Variants in ATP6V1C2 observed in about 807,000 individuals in gnomAD.
ATP6V1C2 encodes the protein ATPase H+ transporting V1 subunit C2, also known as V-type proton ATPase subunit C 2.
A neutral mutation model predicts 56.8 loss-of-function variants in ATP6V1C2; 45 were observed. That is an observed-to-expected ratio of 0.79 (90% CI 0.62 to 1.02). ATP6V1C2 has a LOEUF of 1.02. ATP6V1C2 is among the 50% of genes least tolerant of loss of function. The pLI, the probability that ATP6V1C2 is intolerant of heterozygous loss-of-function variation, is 0.00. For synonymous variants in ATP6V1C2, 220 were observed against 201.3 expected (o/e 1.09, Z -0.79); for missense variants, 463 against 519.7 (o/e 0.89, Z 1.06).
At chr2:10,773,138 C>T (rs186896511) in intron 8 of ATP6V1C2, among the ~76,000 whole-genome samples, 46 of 152,244 alleles carry the variant, frequency 3.0e-4, no homozygotes, top group African/African-American at 9.9e-4. Context: ...GATGCCAGGC[C>T]CTGTGTGTCA....
chr2:10,727,188 G>A (rs1465745491), intron 3 of ATP6V1C2, among the ~76,000 whole-genome samples: 3 of 151,846 alleles, frequency 2.0e-5, no homozygotes, highest in Non-Finnish European at 2.9e-5. Context: ...TCCTGCCTCA[G>A]CATCCTGAGT....
intron 3 of ATP6V1C2, among the ~76,000 whole-genome samples, chr2:10,750,756 T>C (rs1267400764): frequency 2.0e-5 from 3 of 152,070 alleles, no homozygotes; most frequent in African/African-American, 7.2e-5. Context: ...CAAAATATTA[T>C]AGGGGATGTG....
Position 10,784,540 on chromosome 2 carries a change from C to T in ATP6V1C2, c.*1277C>T. The T allele has an allele frequency of 1.9e-6, 1 of 515,804 alleles. No homozygotes were observed. The highest frequency in any genetic ancestry group is 2.9e-5 in the South Asian group (1 of 34,650). The allele number at this position is 515,804 out of a possible 1,614,324, so 32.0% of individuals were successfully genotyped here. On this transcript the variant is annotated 3_prime_UTR_variant, in exon 14 of 14. Transcript: ENST00000272238. ...AACATTTCAACATCACATCACTCACCATTTTAACACTGGAAGCCACTTGAA... is the reference window on the plus strand; with the variant it reads ...AACATTTCAACATCACATCACTCACTATTTTAACACTGGAAGCCACTTGAA...
chr2:10,723,345 C>A (rs1661461860), intron 2 of ATP6V1C2, among the ~76,000 whole-genome samples: 1 of 152,136 alleles, frequency 6.6e-6, no homozygotes, highest in South Asian at 2.1e-4. Flanking sequence ...GAAGACCCAC[C>A]ATATAGTTTA....
At chr2:10,773,757 T>C (rs1327280987) in intron 8 of ATP6V1C2, among the ~76,000 whole-genome samples, 1 of 152,158 alleles carries the variant, frequency 6.6e-6, no homozygotes, top group African/African-American at 2.4e-5. Flanking sequence ...AGAATGCGCG[T>C]CAGGCAGCCA....
At chr2:10,774,706 C>A in intron 8 of ATP6V1C2, 82 bp from the exon 9 acceptor site, 1 of 1,243,124 alleles carries the variant, frequency 8.0e-7, no homozygotes, top group Non-Finnish European at 1.2e-6. Flanking sequence ...CAGGTGCAGG[C>A]CACCAGGCCC....
rs1301107337 is a variant in ATP6V1C2 at position 10,763,544 on chromosome 2, C to T, written c.284-787C>T. On this transcript the variant is annotated intron_variant, in intron 4 of 13. Transcript: ENST00000272238. The surrounding 1 kb of genome is among the most constrained non-coding windows in gnomAD (Gnocchi z 4.2). ...CAGGATAGACCAGGAAGTGTAGGTG[C>T]ACAGGGAGCCTAGGCTGGGACATCC... Among the ~76,000 whole-genome samples the T allele has an allele frequency of 6.6e-6, 1 of 152,126 alleles. No homozygotes were observed. Among genetic ancestry groups the T allele is most frequent in the Non-Finnish European group, 1.5e-5 (1 of 68,016 alleles).
At chr2:10,754,105 C>G (rs770165598) in intron 4 of ATP6V1C2, 39 bp downstream of exon 4, 2 of 1,531,166 alleles carry the variant, frequency 1.3e-6, no homozygotes, top group Non-Finnish European at 1.8e-6. Context: ...CACAATCTCC[C>G]CGCTCCCTCT....
intron 10 of ATP6V1C2, 96 bp downstream of exon 10, chr2:10,775,167 T>A (rs1572612069): frequency 1.1e-6 from 1 of 932,678 alleles, no homozygotes; most frequent in African/African-American, 1.6e-5. Flanking sequence ...CTCCCTCTCA[T>A]TGTCCCCAGG....
Position 10,783,361 on chromosome 2 carries a change from G to T in ATP6V1C2, c.*98G>T, listed in dbSNP as rs1665514883. ...TGGTTCAAATGTCTTACAGAACTAA[G>T]ATCTTTTTCAGAGAAATTGCTCACA... On this transcript the variant is annotated 3_prime_UTR_variant, in exon 14 of 14. Coordinates refer to ENST00000272238, the MANE Select transcript of ATP6V1C2 (RefSeq NM_001039362.2). The T allele has an allele frequency of 8.3e-6, 6 of 725,384 alleles. No individual in the cohort carries two copies. Among genetic ancestry groups the T allele is most frequent in the Non-Finnish European group, 1.3e-5 (6 of 450,068 alleles). 44.9% of individuals were successfully genotyped at this position (725,384 alleles called of 1,614,324 possible).
chr2:10,754,637 A>G (rs1029857309), intron 4 of ATP6V1C2, among the ~76,000 whole-genome samples: 3 of 151,560 alleles, frequency 2.0e-5, no homozygotes, highest in African/African-American at 7.3e-5. Flanking sequence ...CAGTGGCGCA[A>G]TCTCGGCTCA....
intron 3 of ATP6V1C2, among the ~76,000 whole-genome samples, chr2:10,737,234 G>T (rs1662297048): frequency 2.1e-5 from 3 of 140,916 alleles, no homozygotes; most frequent in Middle Eastern, 7.1e-3. Context: ...GGCCAACATG[G>T]CAAAACCCCA....
At chr2:10,748,291 A>G (rs1180547147) in intron 3 of ATP6V1C2, among the ~76,000 whole-genome samples, 2 of 152,200 alleles carry the variant, frequency 1.3e-5, no homozygotes, top group African/African-American at 2.4e-5. Flanking sequence ...CCTCATGGCT[A>G]GACGGAGGTT....
At chr2:10,732,844 G>T (rs62128976) in intron 3 of ATP6V1C2, among the ~76,000 whole-genome samples, 1 of 151,420 alleles carries the variant, frequency 6.6e-6, no homozygotes, top group East Asian at 2.0e-4. Context: ...GGTGGCAGGC[G>T]CCTGTAGTCC....
At chr2:10,747,829 C>CACTT (rs1663004068) in intron 3 of ATP6V1C2, among the ~76,000 whole-genome samples, 1 of 152,068 alleles carries the variant, frequency 6.6e-6, no homozygotes, top group East Asian at 1.9e-4. Context: ...TAAACTGGAA[C>CACTT]ACTTATACAG....
chr2:10,730,515 G>A (rs1661889762), intron 3 of ATP6V1C2, among the ~76,000 whole-genome samples: 1 of 151,644 alleles, frequency 6.6e-6, no homozygotes. Flanking sequence ...AGAATAGTAG[G>A]ATGCCTTTGT....
intron 3 of ATP6V1C2, among the ~76,000 whole-genome samples, chr2:10,734,854 AT>A (rs1460039535): frequency 6.6e-6 from 1 of 152,212 alleles, no homozygotes; most frequent in Admixed American, 6.5e-5. Context: ...ACTTAATAGT[AT>A]TTATAAATCT....
At chr2:10,781,827 C>T (rs892485040) in intron 12 of ATP6V1C2, among the ~76,000 whole-genome samples, 2 of 152,234 alleles carry the variant, frequency 1.3e-5, no homozygotes, top group African/African-American at 4.8e-5. Context: ...TGTTTTCTAT[C>T]TACCCAAAAA....
At chr2:10,775,166 A>C in intron 10 of ATP6V1C2, 95 bp downstream of exon 10, 3 of 939,796 alleles carry the variant, frequency 3.2e-6, no homozygotes, top group Non-Finnish European at 5.1e-6. Flanking sequence ...CCTCCCTCTC[A>C]TTGTCCCCAG....
Sources: gnomAD v4.1 joint callset for allele counts (sites outside exome capture counted in the v4.1 genomes callset) on GRCh38, gnomAD v4.1.1 for gene constraint, Gnocchi (gnomAD v3.1) non-coding constraint, MANE v1.5 for transcripts, NCBI Gene and HGNC (gene_info 2026-07-23, HGNC 2026-07-21) for gene names.